The following CSF2RA variants were observed in gnomAD, a reference collection of about 807,000 sequenced individuals.
CSF2RA encodes granulocyte-macrophage colony-stimulating factor receptor subunit alpha.
CSF2RA carries 42 observed loss-of-function variants against 51.6 expected under a neutral mutation model. That is an observed-to-expected ratio of 0.81 (90% CI 0.64 to 1.05). The LOEUF is 1.05. Ranked by LOEUF, CSF2RA falls within the 50% of genes least tolerant of loss-of-function variation. CSF2RA has a pLI of 0.00. For synonymous variants in CSF2RA, 222 were observed against 193.0 expected (o/e 1.15, Z -1.24); for missense variants, 530 against 501.1 (o/e 1.06, Z -0.55).
chrX:1,306,832 AACAG>A (rs1395742502), intron 12 of CSF2RA, among the ~76,000 whole-genome samples: 1 of 150,260 alleles, frequency 6.7e-6, no homozygotes, highest in Non-Finnish European at 1.5e-5. Flanking sequence ...CAGAGAGAGA[AACAG>A]AGAGACATAG....
At chrX:1,281,095 CCCCTT>C (rs1237060476) in intron 2 of CSF2RA, among the ~76,000 whole-genome samples, 2 of 51,656 alleles carry the variant, frequency 3.9e-5, no homozygotes, top group African/African-American at 1.4e-4. Flanking sequence ...TCCTCCTGCT[CCCCTT>C]CTCCTCCTCC....
intron 2 of CSF2RA, chrX:1,282,372 C>A: frequency 2.1e-6 from 1 of 487,108 alleles, no homozygotes; most frequent in Non-Finnish European, 3.7e-6. Context: ...TGTGTTAGAA[C>A]CTGCCTTTAG....
At chrX:1,300,351 C>A in intron 9 of CSF2RA, 140 bp from the exon 10 acceptor site, 1 of 1,014,736 alleles carries the variant, frequency 9.9e-7, no homozygotes, top group Non-Finnish European at 1.5e-6. Context: ...AGACCAAGTG[C>A]ATTCAGAGTG....
downstream of CSF2RA, among the ~76,000 whole-genome samples, chrX:1,313,123 G>A (rs73624852): frequency 7.6e-3 from 1,159 of 152,142 alleles, 23 homozygotes; most frequent in African/African-American, 0.025. Flanking sequence ...AGAGGCCTCC[G>A]GTGTCAAAGA....
At chrX:1,307,446 C>T (rs2083710064) in intron 12 of CSF2RA, among the ~76,000 whole-genome samples, 1 of 147,346 alleles carries the variant, frequency 6.8e-6, no homozygotes, top group African/African-American at 2.5e-5. Context: ...AGACCTTCAG[C>T]TTATTAGATA....
At chrX:1,300,721 C>T (rs191218393) in intron 10 of CSF2RA, 95 bp downstream of exon 10, 20 of 1,531,464 alleles carry the variant, frequency 1.3e-5, no homozygotes, top group African/African-American at 6.8e-5. Flanking sequence ...GCGCTGAGAT[C>T]GAGTTGAGCA....
At chrX:1,313,357 C>T (rs1187668369), downstream of CSF2RA, among the ~76,000 whole-genome samples, 4 of 152,076 alleles carry the variant, frequency 2.6e-5, no homozygotes, top group Admixed American at 6.6e-5. Context: ...TCACTTGAAC[C>T]TGGGAGGCAG....
At chrX:1,301,662 T>TCTCTGG (rs1486697165) in intron 10 of CSF2RA, among the ~76,000 whole-genome samples, 1 of 141,568 alleles carries the variant, frequency 7.1e-6, no homozygotes, top group Non-Finnish European at 1.5e-5. Context: ...AGTGGCGCAA[T>TCTCTGG]CTCGGCTCAC....
chrX:1,307,576 G>A (rs1401681734), intron 12 of CSF2RA, among the ~76,000 whole-genome samples: 1 of 151,900 alleles, frequency 6.6e-6, no homozygotes, highest in East Asian at 1.9e-4. Flanking sequence ...CTGATTAGAT[G>A]AGGCCCACCC....
At chrX:1,273,746 AATT>A (rs2088768617) in intron 1 of CSF2RA, among the ~76,000 whole-genome samples, 3 of 16,058 alleles carry the variant, frequency 1.9e-4, no homozygotes, top group East Asian at 2.3e-3. Context: ...ACGCCCAGCT[AATT>A]TTTTTTTTTT....
chrX:1,305,682 C>CCTTCTCCCGGGTCGGGGT (rs1569511941), intron 12 of CSF2RA, 155 bp downstream of exon 12: 1 of 1,581,314 alleles, frequency 6.3e-7, no homozygotes, highest in Non-Finnish European at 8.6e-7. Flanking sequence ...CACTCCTGGG[C>CCTTCTCCCGGGTCGGGGT]CTTCTCCCGG....
downstream of CSF2RA, among the ~76,000 whole-genome samples, chrX:1,311,210 T>C (rs142784348): frequency 0.017 from 2,535 of 150,820 alleles, 85 homozygotes; most frequent in African/African-American, 0.058. Flanking sequence ...GATCACGCCA[T>C]TGCACTCCAG....
At chrX:1,316,823 C>T in the CSF2RA span, among the ~76,000 whole-genome samples, 9 of 152,248 alleles carry the variant, frequency 5.9e-5, no homozygotes, top group Non-Finnish European at 1.3e-4. Flanking sequence ...AACCAGCAGC[C>T]GACGCCCCAG....
At position 1,294,341 on chromosome X, in the gene CSF2RA, T is replaced by A. The variant is rs746067907; in HGVS notation, c.660T>A (p.Pro220=). ...LDTKKIERFN[P]PSNVTVRCNT... is the part of the protein sequence containing the mutation. ...CCCTCGTTACAGAACGATTCAACCC[T>A]CCCAGCAATGTCACCGTACGTTGCA... The change falls in exon 8 of 13, where the codon CCT becomes CCA. Residue 220 remains proline, a synonymous_variant. Coordinates refer to ENST00000381529, the MANE Select transcript of CSF2RA (RefSeq NM_172245.4). 2 of 1,613,520 alleles carry A rather than the reference T, an allele frequency of 1.2e-6. No homozygotes were observed. The highest frequency in any genetic ancestry group is 2.2e-5 in the South Asian group (2 of 91,050).
chrX:1,296,277 C>T lies in CSF2RA; in HGVS notation c.810+821C>T, dbSNP rs1407802145. ...CTAGTGTAACCCTACAGTCTCCTACCCATGACCCCTGGCGGAACTGTACAG... is the reference window on the plus strand; with the variant it reads ...CTAGTGTAACCCTACAGTCTCCTACTCATGACCCCTGGCGGAACTGTACAG... On this transcript the variant is annotated intron_variant, in intron 9 of 12. Coordinates refer to ENST00000381529, the MANE Select transcript of CSF2RA (RefSeq NM_172245.4). Among the ~76,000 whole-genome samples, 189 of 148,484 alleles carry T rather than the reference C, an allele frequency of 1.3e-3. 1 individual carries two copies. The highest frequency in any genetic ancestry group is 4.5e-3 in the African/African-American group (182 of 40,148).
At chrX:1,321,561 C>T in the CSF2RA span, among the ~76,000 whole-genome samples, 1,185 of 145,406 alleles carry the variant, frequency 8.1e-3, 16 homozygotes, top group African/African-American at 0.028. Flanking sequence ...GGGGACAGAG[C>T]GAGACTCCAT....
At chrX:1,317,150 A>G in the CSF2RA span, among the ~76,000 whole-genome samples, 1 of 148,100 alleles carries the variant, frequency 6.8e-6, no homozygotes, top group Admixed American at 6.8e-5. Context: ...AGGTTTCACC[A>G]TGTTAGCCAG....
intron 9 of CSF2RA, among the ~76,000 whole-genome samples, chrX:1,299,568 G>A (rs193114466): frequency 4.5e-4 from 68 of 152,188 alleles, no homozygotes; most frequent in South Asian, 8.3e-4. Flanking sequence ...GTCTCAGCCT[G>A]TAGCTGGGAC....
the CSF2RA span, among the ~76,000 whole-genome samples, chrX:1,319,714 GTT>G: frequency 1.4e-3 from 172 of 121,298 alleles, 2 homozygotes; most frequent in East Asian, 4.3e-3. Flanking sequence ...CGCCTTTGCT[GTT>G]TTTTTTTTTT....
Sources: allele counts gnomAD v4.1 joint callset (sites outside exome capture counted in the v4.1 genomes callset), GRCh38; gene constraint gnomAD v4.1.1; transcripts MANE v1.5; gene names NCBI Gene and HGNC (gene_info 2026-07-23, HGNC 2026-07-21).